Variants in SOX5 observed in about 807,000 individuals in gnomAD.
SOX5 encodes the protein SRY-box transcription factor 5.
Under a neutral mutation model 92.0 loss-of-function variants are expected in SOX5, and 9 were observed. That is an observed-to-expected ratio of 0.10 (90% CI 0.06 to 0.17). SOX5 has a LOEUF of 0.17. Among genes scored for constraint, SOX5 ranks in the 10% least tolerant of loss-of-function variants. The probability of loss-of-function intolerance (pLI) is 1.00; values close to 1 mark genes in which losing one functional copy is unlikely to be tolerated. For synonymous variants in SOX5, 344 were observed against 336.3 expected, an observed-to-expected ratio of 1.02 and a Z score of -0.25; for missense variants, 642 against 944.5, an observed-to-expected ratio of 0.68 and a Z score of 4.20.
intron 2 of SOX5, among the ~76,000 whole-genome samples, chr12:24,360,211 A>G (rs887686395): frequency 1.3e-5 from 2 of 152,214 alleles, no homozygotes; most frequent in African/African-American, 4.8e-5. Flanking sequence ...TAGTCTAGCT[A>G]CACACAGGAT....
At chr12:23,715,751 G>A (rs568378415) in intron 6 of SOX5, among the ~76,000 whole-genome samples, 1 of 141,998 alleles carries the variant, frequency 7.0e-6, no homozygotes, top group Admixed American at 7.3e-5. Context: ...GGTAACACAT[G>A]CAGCAACTTA....
At chr12:24,052,872 G>C (rs538963293) in intron 4 of SOX5, among the ~76,000 whole-genome samples, 1 of 152,256 alleles carries the variant, frequency 6.6e-6, no homozygotes, top group African/African-American at 2.4e-5. Flanking sequence ...ACAAAAATCT[G>C]AGAAAGAGAA....
intron 4 of SOX5, among the ~76,000 whole-genome samples, chr12:24,053,421 C>A (rs539791828): frequency 2.0e-5 from 3 of 151,996 alleles, no homozygotes. Context: ...TGAGCTACCG[C>A]GCCTGGCCCC....
chr12:23,967,439 G>C lies in SOX5; in HGVS notation c.-1-71415C>G, dbSNP rs1221089496. ...ATTTCTTAATCTGGTGACAGCATAT[G>C]CAAGTTTCTTTTCATAAAATTATAC... On this transcript the variant is annotated intron_variant, in intron 4 of 4. Coordinates refer to the SOX5 transcript ENST00000446891. Among the ~76,000 whole-genome samples the C allele has an allele frequency of 2.7e-5, 4 of 146,420 alleles. No homozygotes were observed. In the South Asian group the frequency reaches 9.0e-4, roughly 33 times the overall value.
intron 4 of SOX5, among the ~76,000 whole-genome samples, chr12:24,166,871 T>C (rs570281141): frequency 5.4e-4 from 82 of 152,288 alleles, no homozygotes; most frequent in African/African-American, 1.7e-3. Context: ...TTTGAGCACA[T>C]AAGCAAAGTG....
At chr12:24,472,250 A>G (rs867637385) in intron 1 of SOX5, among the ~76,000 whole-genome samples, 8 of 152,218 alleles carry the variant, frequency 5.3e-5, no homozygotes, top group African/African-American at 1.4e-4. Flanking sequence ...TGACAGCCCA[A>G]TGGAGCAAAG....
chr12:23,664,708 T>C (rs952878109), intron 7 of SOX5, among the ~76,000 whole-genome samples: 2 of 152,194 alleles, frequency 1.3e-5, no homozygotes, highest in Non-Finnish European at 2.9e-5. Flanking sequence ...TATCCTAGTA[T>C]ATCACGTAGC....
At chr12:24,411,221 T>C (rs1421863178) in intron 1 of SOX5, among the ~76,000 whole-genome samples, 1 of 152,090 alleles carries the variant, frequency 6.6e-6, no homozygotes, top group African/African-American at 2.4e-5. Context: ...TAATGTTCCA[T>C]GAGATTTTCC....
chr12:24,460,757 A>C (rs1275835503), intron 1 of SOX5: 3 of 152,166 alleles, frequency 2.0e-5, no homozygotes, highest in Non-Finnish European at 4.4e-5. Context: ...GATGGATTTT[A>C]GGGTTGTAAG....
chr12:24,428,781 TA>T (rs1448346519), intron 1 of SOX5, among the ~76,000 whole-genome samples: 1 of 127,374 alleles, frequency 7.9e-6, no homozygotes, highest in Non-Finnish European at 1.6e-5. Context: ...CATCATGTTA[TA>T]GGTCTTATAA....
intron 2 of SOX5, among the ~76,000 whole-genome samples, chr12:24,353,750 C>T (rs1954426698): frequency 6.6e-6 from 1 of 152,140 alleles, no homozygotes; most frequent in African/African-American, 2.4e-5. Context: ...AAACAATTCT[C>T]CTGCCTCAGC....
At chr12:24,093,021 A>T (rs988459085) in intron 4 of SOX5, among the ~76,000 whole-genome samples, 1 of 152,060 alleles carries the variant, frequency 6.6e-6, no homozygotes, top group Non-Finnish European at 1.5e-5. Flanking sequence ...TTAAAAAATC[A>T]TGAGCTAAAT....
chr12:24,506,782 G>GTTT (rs1386116375), intron 1 of SOX5, among the ~76,000 whole-genome samples: 43 of 80,260 alleles, frequency 5.4e-4, no homozygotes, highest in East Asian at 7.8e-4. Context: ...TATCCAAATG[G>GTTT]TCTTTTTTTT....
intron 4 of SOX5, among the ~76,000 whole-genome samples, chr12:24,168,485 C>T (rs1953681589): frequency 6.6e-6 from 1 of 152,098 alleles, no homozygotes. Context: ...AATAGAGATA[C>T]TAAAATAAGC....
At chr12:23,848,756 A>G (rs906409393) in intron 2 of SOX5, among the ~76,000 whole-genome samples, 3 of 152,198 alleles carry the variant, frequency 2.0e-5, no homozygotes, top group African/African-American at 7.2e-5. Context: ...CAGACCAGCA[A>G]TATCTATTTA....
intron 1 of SOX5, among the ~76,000 whole-genome samples, chr12:24,443,843 A>G (rs1941044475): frequency 6.6e-6 from 1 of 152,256 alleles, no homozygotes; most frequent in South Asian, 2.1e-4. Context: ...ACCCATTCTA[A>G]TATAGTACTT....
intron 4 of SOX5, among the ~76,000 whole-genome samples, chr12:24,104,642 T>C (rs1451144946): frequency 2.0e-5 from 3 of 152,230 alleles, no homozygotes; most frequent in South Asian, 4.1e-4. Flanking sequence ...TCTACTATTC[T>C]GCTTTCCCAT....
At chr12:23,596,851 T>C (rs1296119552) in intron 9 of SOX5, among the ~76,000 whole-genome samples, 3 of 152,198 alleles carry the variant, frequency 2.0e-5, no homozygotes, top group Admixed American at 2.0e-4. Flanking sequence ...AAATATATCA[T>C]TTATCTTTAA....
intron 1 of SOX5, among the ~76,000 whole-genome samples, chr12:23,945,321 T>C (rs1428912779): frequency 6.6e-6 from 1 of 152,154 alleles, no homozygotes; most frequent in Non-Finnish European, 1.5e-5. Flanking sequence ...ATGTGCTTAT[T>C]ATATTTGAGA....
Sources: gnomAD v4.1 joint callset for allele counts (sites outside exome capture counted in the v4.1 genomes callset) on GRCh38, gnomAD v4.1.1 for gene constraint, MANE v1.5 for transcripts, NCBI Gene and HGNC (gene_info 2026-07-23, HGNC 2026-07-21) for gene names.